COP1: variants seen among roughly 807,000 people sequenced by gnomAD.
The protein encoded by COP1 is COP1 E3 ubiquitin ligase.
In COP1, 24 loss-of-function variants were observed where a neutral mutation model predicts 101.3. The ratio of observed to expected loss-of-function variants is 0.24; its 90% CI spans 0.17 to 0.33. COP1 has a LOEUF of 0.33. Among genes scored for constraint, COP1 ranks in the 10% least tolerant of loss-of-function variants. The pLI is 1.00. For synonymous variants in COP1, 347 were observed against 341.9 expected (o/e 1.01, Z -0.17); for missense variants, 663 against 906.2 (o/e 0.73, Z 3.45).
intron 11 of COP1, among the ~76,000 whole-genome samples, chr1:176,076,797 A>G (rs1282168008): frequency 6.6e-6 from 1 of 152,144 alleles, no homozygotes; most frequent in Non-Finnish European, 1.5e-5. Context: ...CGTTACAACC[A>G]ATACCACAGA....
At chr1:176,053,564 C>T (rs550956921) in intron 11 of COP1, among the ~76,000 whole-genome samples, 136 of 152,198 alleles carry the variant, frequency 8.9e-4, no homozygotes, top group African/African-American at 3.1e-3. Context: ...ATCTTTTATT[C>T]TGCCCACTTC....
At position 176,129,172 on chromosome 1, in the gene COP1, T is replaced by G. The variant is rs1404696446; in HGVS notation, c.968+5838A>C. Among the ~76,000 whole-genome samples, 3 of 151,978 alleles carry G rather than the reference T, an allele frequency of 2.0e-5. No individual in the cohort carries two copies. In the East Asian group the frequency reaches 5.8e-4, roughly 29 times the overall value. On this transcript the variant is annotated intron_variant, in intron 8 of 19. Coordinates refer to ENST00000367669, the MANE Select transcript of COP1 (RefSeq NM_022457.7). ...AGGTATTAGATCACTATCCTACATA[T>G]ATATTTTTAATGTTAAATACTCTTA...
At chr1:176,017,500 A>T (rs528779085) in intron 15 of COP1, 15 of 152,238 alleles carry the variant, frequency 9.9e-5, no homozygotes, top group Middle Eastern at 3.4e-3. Flanking sequence ...ACTAATATTT[A>T]TCTCATACAG....
At chr1:175,994,311 C>T (rs1319037416) in intron 15 of COP1, among the ~76,000 whole-genome samples, 5 of 152,102 alleles carry the variant, frequency 3.3e-5, no homozygotes, top group East Asian at 1.9e-4. Context: ...TAAAGCCCAT[C>T]GAGGCTAGGA....
intron 14 of COP1, among the ~76,000 whole-genome samples, chr1:176,032,237 T>C (rs61820962): frequency 0.066 from 10,044 of 152,256 alleles, 413 homozygotes; most frequent in Middle Eastern, 0.12. Flanking sequence ...GAGAGTGCTA[T>C]TTCAACAAAA....
intron 15 of COP1, among the ~76,000 whole-genome samples, chr1:175,999,050 T>C (rs1163813851): frequency 6.6e-6 from 1 of 152,116 alleles, no homozygotes; most frequent in Admixed American, 6.6e-5. Context: ...ATCAGCGACT[T>C]AACTGAGCAT....
intron 3 of COP1, 30 bp from the exon 4 acceptor site, chr1:176,163,921 C>T (rs760500854): frequency 6.8e-7 from 1 of 1,462,514 alleles, no homozygotes; most frequent in Admixed American, 1.8e-5. Flanking sequence ...AAAAAGCACA[C>T]ATAATTTGTA....
At chr1:176,083,498 C>T (rs938540937) in intron 10 of COP1, among the ~76,000 whole-genome samples, 10 of 152,150 alleles carry the variant, frequency 6.6e-5, no homozygotes, top group Non-Finnish European at 1.3e-4. Flanking sequence ...ATTTTGTTTG[C>T]GTGGTGTTTT....
intron 6 of COP1, among the ~76,000 whole-genome samples, chr1:176,143,859 T>C (rs1440088017): frequency 1.3e-5 from 2 of 152,162 alleles, no homozygotes; most frequent in Non-Finnish European, 2.9e-5. Flanking sequence ...GGAAAAATCA[T>C]ATGGTTGCAT....
chr1:175,955,034 G>A (rs1650437602), intron 18 of COP1, among the ~76,000 whole-genome samples: 1 of 152,114 alleles, frequency 6.6e-6, no homozygotes, highest in South Asian at 2.1e-4. Context: ...GATTGCTTGA[G>A]TCCAGGAGTG....
intron 1 of COP1, among the ~76,000 whole-genome samples, chr1:176,188,802 T>C (rs934163657): frequency 1.3e-5 from 2 of 150,202 alleles, no homozygotes; most frequent in South Asian, 4.3e-4. Flanking sequence ...CTCAGGCCAC[T>C]GCATTCCAGC....
At chr1:176,100,285 AG>A in intron 9 of COP1, 1 of 209,512 alleles carries the variant, frequency 4.8e-6, no homozygotes, top group Non-Finnish European at 9.9e-6. Context: ...GCTACTTGGG[AG>A]GGTGAGGCAG....
chr1:176,046,312 G>T lies in COP1; in HGVS notation c.1290C>A (p.Asp430Glu). 1 of 1,608,008 alleles carries T rather than the reference G, an allele frequency of 6.2e-7. No homozygotes were observed. Among genetic ancestry groups the T allele is most frequent in the Non-Finnish European group, 8.5e-7 (1 of 1,178,174 alleles). ...CAATCGCAAAATAGTCACAATCCCG[G>T]TCAAATTCAATACTAAGGGGAAAAA... ...GSSIVSSIEF[D>E]RDCDYFAIAG... Residue 430 changes from aspartate (D) to glutamate (E), a missense_variant, in exon 12 of 20, where the codon GAC (aspartate) becomes GAA (glutamate). Asp to Glu is a conservative substitution (Grantham distance 45, BLOSUM62 2). Transcript: ENST00000367669.
chr1:176,181,180 A>C (rs543547665), intron 2 of COP1, among the ~76,000 whole-genome samples: 2 of 152,322 alleles, frequency 1.3e-5, no homozygotes, highest in African/African-American at 2.4e-5. Flanking sequence ...TATTGTCTCC[A>C]AATTGTTACT....
At chr1:176,077,685 C>T (rs1392309468) in intron 11 of COP1, among the ~76,000 whole-genome samples, 1 of 152,082 alleles carries the variant, frequency 6.6e-6, no homozygotes, top group African/African-American at 2.4e-5. Context: ...TAAATGGCAT[C>T]CAAATAGGAA....
At chr1:176,181,491 T>A (rs1278224278) in intron 2 of COP1, among the ~76,000 whole-genome samples, 2 of 151,864 alleles carry the variant, frequency 1.3e-5, no homozygotes, top group African/African-American at 4.8e-5. Flanking sequence ...GTTTTAATAG[T>A]TCCTGCCAAC....
rs1666895919 is a variant in COP1, at chr1:176,022,336, T to C, written c.1729+5236A>G. Among the ~76,000 whole-genome samples the C allele has an allele frequency of 2.0e-5, 3 of 152,196 alleles. No individual in the cohort carries two copies. In the South Asian group the frequency reaches 6.2e-4, roughly 32 times the overall value. On this transcript the variant is annotated intron_variant, in intron 15 of 19. Transcript: ENST00000367669. ...GCCCTTGCAACAGGAAGTCAAACTA[T>C]AATTGGTGGGTAGCTCATATACTAA... is the stretch of plus-strand genomic sequence containing the variant.
At chr1:176,037,483 C>A (rs1669774721) in intron 14 of COP1, among the ~76,000 whole-genome samples, 1 of 149,740 alleles carries the variant, frequency 6.7e-6, no homozygotes, top group African/African-American at 2.5e-5. Flanking sequence ...CCAGCATTAC[C>A]CTGATATCAA....
intron 11 of COP1, among the ~76,000 whole-genome samples, chr1:176,048,215 C>G (rs1050095202): frequency 3.8e-5 from 1 of 26,180 alleles, no homozygotes. Flanking sequence ...TTTTTTTTTA[C>G]AGAGATGGGG....
Sources: allele counts gnomAD v4.1 joint callset (sites outside exome capture counted in the v4.1 genomes callset), GRCh38; gene constraint gnomAD v4.1.1; transcripts MANE v1.5; gene names NCBI Gene and HGNC (gene_info 2026-07-23, HGNC 2026-07-21).